Variants in SPOCK3 observed in about 807,000 individuals in gnomAD.
SPOCK3 encodes SPARC (osteonectin), cwcv and kazal like domains proteoglycan 3.
Under a neutral mutation model 56.6 loss-of-function variants are expected in SPOCK3, and 30 were observed. The observed-to-expected ratio is 0.53, with a 90% confidence interval of 0.40 to 0.72. SPOCK3 has a LOEUF of 0.72. Ranked by LOEUF, SPOCK3 falls within the 30% of genes least tolerant of loss-of-function variation. The pLI, the probability that SPOCK3 is intolerant of heterozygous loss-of-function variation, is 0.00. For synonymous variants in SPOCK3, 196 were observed against 183.3 expected (o/e 1.07, Z -0.56); for missense variants, 527 against 530.0 (o/e 0.99, Z 0.06).
chr4:166,850,659 C>A (rs540556373), intron 6 of SPOCK3, among the ~76,000 whole-genome samples: 1 of 152,206 alleles, frequency 6.6e-6, no homozygotes, highest in Non-Finnish European at 1.5e-5. Flanking sequence ...ACTCGGGAAG[C>A]GCAAGGGGTC....
intron 2 of SPOCK3, among the ~76,000 whole-genome samples, chr4:167,110,624 T>C (rs1241051053): frequency 6.6e-6 from 1 of 152,116 alleles, no homozygotes; most frequent in African/African-American, 2.4e-5. Flanking sequence ...TTGCGTTCTA[T>C]TTAATCATTT....
At chr4:167,205,400 A>AAAATAT (rs1734097412) in intron 2 of SPOCK3, among the ~76,000 whole-genome samples, 1 of 41,906 alleles carries the variant, frequency 2.4e-5, no homozygotes, top group African/African-American at 1.1e-4. Flanking sequence ...TTTTATATAT[A>AAAATAT]ATATATTATA....
At chr4:166,920,135 G>T (rs563245356) in intron 4 of SPOCK3, among the ~76,000 whole-genome samples, 210 of 152,092 alleles carry the variant, frequency 1.4e-3, no homozygotes, top group Non-Finnish European at 2.7e-3. Flanking sequence ...CCTTTCCACT[G>T]GGCCATTTAT....
At chr4:166,806,151 G>T (rs1165854551) in intron 6 of SPOCK3, among the ~76,000 whole-genome samples, 14 of 152,012 alleles carry the variant, frequency 9.2e-5, no homozygotes, top group Non-Finnish European at 1.9e-4. Context: ...TAAATTTCAT[G>T]TATATAAACA....
chr4:167,040,259 G>A (rs13128738), intron 3 of SPOCK3, among the ~76,000 whole-genome samples: 3,705 of 152,204 alleles, frequency 0.024, 75 homozygotes, highest in Middle Eastern at 0.061. Context: ...GAAAAGTAGC[G>A]TGTGATTATT....
intron 2 of SPOCK3, among the ~76,000 whole-genome samples, chr4:167,123,989 C>CA (rs1762082029): frequency 6.6e-6 from 1 of 152,078 alleles, no homozygotes; most frequent in Non-Finnish European, 1.5e-5. Flanking sequence ...TCGTGATCTG[C>CA]CTGCCTCGGC....
chr4:167,050,662 T>C (rs1343539647), intron 3 of SPOCK3, among the ~76,000 whole-genome samples: 1 of 152,142 alleles, frequency 6.6e-6, no homozygotes, highest in Non-Finnish European at 1.5e-5. Context: ...TATGGATAGA[T>C]GAACAGAGAA....
intron 2 of SPOCK3, among the ~76,000 whole-genome samples, chr4:167,161,366 C>T (rs1765288652): frequency 6.6e-6 from 1 of 152,004 alleles, no homozygotes; most frequent in Non-Finnish European, 1.5e-5. Context: ...GTTAGAATGG[C>T]AATCATTAAA....
intron 2 of SPOCK3, among the ~76,000 whole-genome samples, chr4:167,186,272 T>C (rs371235759): frequency 2.0e-5 from 3 of 152,336 alleles, no homozygotes; most frequent in South Asian, 2.1e-4. Flanking sequence ...TTATTTTACA[T>C]TTAAAAATAC....
At chr4:166,839,451 G>T (rs1261888219) in intron 6 of SPOCK3, among the ~76,000 whole-genome samples, 2 of 152,004 alleles carry the variant, frequency 1.3e-5, no homozygotes, top group African/African-American at 4.8e-5. Context: ...ACTCTGTTTG[G>T]TAGTTAGATA....
chr4:167,234,570 T>C (rs554952767), upstream of SPOCK3: 278 of 223,744 alleles, frequency 1.2e-3, 1 homozygote, highest in African/African-American at 5.8e-3. Flanking sequence ...CTCAGCTCCC[T>C]GCGCCCGGCG....
chr4:167,136,545 T>C (rs773274871), intron 2 of SPOCK3, among the ~76,000 whole-genome samples: 8 of 152,176 alleles, frequency 5.3e-5, no homozygotes, highest in Non-Finnish European at 1.2e-4. Context: ...CAGTATTCTC[T>C]ATTTGCAACA....
At chr4:166,926,834 C>T (rs1007434556) in intron 4 of SPOCK3, among the ~76,000 whole-genome samples, 1 of 152,138 alleles carries the variant, frequency 6.6e-6, no homozygotes, top group Non-Finnish European at 1.5e-5. Context: ...CTGAAATACA[C>T]TTAAAGGGAC....
intron 2 of SPOCK3, among the ~76,000 whole-genome samples, chr4:167,200,822 A>G (rs77440588): frequency 2.6e-5 from 4 of 152,176 alleles, no homozygotes; most frequent in Non-Finnish European, 5.9e-5. Flanking sequence ...TTAAAAACAA[A>G]AGTACCTGGA....
intron 3 of SPOCK3, among the ~76,000 whole-genome samples, chr4:167,030,925 C>A (rs1417414484): frequency 6.6e-6 from 1 of 152,014 alleles, no homozygotes; most frequent in Admixed American, 6.6e-5. Context: ...ATAGCCTGAA[C>A]CAGGCACATT....
At chr4:166,876,855 A>C (rs1319974651) in intron 6 of SPOCK3, among the ~76,000 whole-genome samples, 1 of 152,148 alleles carries the variant, frequency 6.6e-6, no homozygotes, top group African/African-American at 2.4e-5. Flanking sequence ...CACTTTTCTG[A>C]ACTTGATGAA....
chr4:166,805,676 T>C (rs535032179), intron 6 of SPOCK3, among the ~76,000 whole-genome samples: 1 of 152,196 alleles, frequency 6.6e-6, no homozygotes, highest in African/African-American at 2.4e-5. Context: ...TGCCTGCTAT[T>C]ACAATCAATT....
intron 2 of SPOCK3, among the ~76,000 whole-genome samples, chr4:167,120,902 G>A (rs983582019): frequency 6.6e-6 from 1 of 151,708 alleles, no homozygotes; most frequent in Non-Finnish European, 1.5e-5. Flanking sequence ...CCAACATTGG[G>A]TAACATCATA....
intron 6 of SPOCK3, among the ~76,000 whole-genome samples, chr4:166,844,293 C>T (rs997742504): frequency 1.3e-5 from 2 of 152,070 alleles, no homozygotes; most frequent in Non-Finnish European, 2.9e-5. Flanking sequence ...ATATGCCTAC[C>T]TTAGAGTATT....
Sources: gnomAD v4.1 joint callset for allele counts (sites outside exome capture counted in the v4.1 genomes callset) on GRCh38, gnomAD v4.1.1 for gene constraint, MANE v1.5 for transcripts, NCBI Gene and HGNC (gene_info 2026-07-23, HGNC 2026-07-21) for gene names.